Variants in HMCN1 observed in about 807,000 individuals in gnomAD.
HMCN1 encodes the protein hemicentin-1.
A neutral mutation model predicts 625.9 loss-of-function variants in HMCN1; 321 were observed. That is an observed-to-expected ratio of 0.51 (90% confidence interval 0.47 to 0.56). HMCN1 has a LOEUF of 0.56. HMCN1 is among the 20% of genes least tolerant of loss of function. The pLI, the probability that HMCN1 is intolerant of heterozygous loss-of-function variation, is 0.00. For missense variants in HMCN1, 6,588 were observed against 6,887.3 expected, an observed-to-expected ratio of 0.96 and a Z score of 1.54; for synonymous variants, 2,425 against 2,417.6, an observed-to-expected ratio of 1.00 and a Z score of -0.09.
intron 4 of HMCN1, among the ~76,000 whole-genome samples, chr1:185,902,405 C>CTATCTATA (rs903275348): frequency 4.1e-5 from 6 of 145,456 alleles, no homozygotes; most frequent in African/African-American, 1.6e-4. Context: ...ATCTATCTAT[C>CTATCTATA]TCTATCTATC....
At chr1:186,098,996 G>A (rs530760968) in intron 68 of HMCN1, among the ~76,000 whole-genome samples, 1 of 152,146 alleles carries the variant, frequency 6.6e-6, no homozygotes, top group South Asian at 2.1e-4. Flanking sequence ...TAGTGAATAG[G>A]ACAGTGGTTA....
At position 185,888,285 on chromosome 1, in the gene HMCN1, T is replaced by C. The variant is rs1571505948; in HGVS notation, c.622-21052T>C. Among the ~76,000 whole-genome samples the C allele has an allele frequency of 2.3e-5, 3 of 131,642 alleles. No individual in the cohort carries two copies. In the East Asian group the frequency reaches 6.1e-4, roughly 27 times the overall value. The allele number at this position is 131,642 out of a possible 152,430, so 86.4% of individuals were successfully genotyped here. The stretch of plus-strand genomic sequence containing the variant: ...CCTGTTCACTCTGATGGTAGTTTCT[T>C]TTGCTGTGCAGAAGCTCTTTAGTTT... On this transcript the variant is annotated intron_variant, in intron 4 of 106. Transcript: ENST00000271588.
At chr1:186,065,462 A>G (rs929692238) in intron 49 of HMCN1, 33 bp downstream of exon 49, 2 of 1,492,240 alleles carry the variant, frequency 1.3e-6, no homozygotes, top group Non-Finnish European at 1.8e-6. Flanking sequence ...ATCTTAAAGA[A>G]TCTGACATGA....
intron 1 of HMCN1, among the ~76,000 whole-genome samples, chr1:185,756,180 A>T (rs1423220532): frequency 6.6e-6 from 1 of 152,176 alleles, no homozygotes; most frequent in Non-Finnish European, 1.5e-5. Context: ...TTTTTACAGG[A>T]TAACCATGGT....
rs1331268272 is a variant in HMCN1, at chr1:186,125,794, G to GGTAA, written c.12690+3_12690+6dup. 3.1e-6 allele frequency: 5 copies of GGTAA among 1,611,668 alleles called. No individual in the cohort carries two copies. Among genetic ancestry groups the GGTAA allele is most frequent in the African/African-American group, 2.7e-5 (2 of 74,778 alleles). On this transcript the variant is annotated frameshift_variant and splice_region_variant. Coordinates refer to ENST00000271588, the MANE Select transcript of HMCN1 (RefSeq NM_031935.3). LOFTEE classifies it high-confidence loss of function. ...GAGAACTCATTTTAGAAAATGTTGT[G>GGTAA]GTAAGTTTAATGGACGTGAACAGAT...
At chr1:186,019,139 T>C (rs1055929151) in intron 34 of HMCN1, among the ~76,000 whole-genome samples, 25 of 152,012 alleles carry the variant, frequency 1.6e-4, no homozygotes, top group Non-Finnish European at 2.8e-4. Context: ...AAGTTACCAC[T>C]CCACATTCAA....
At chr1:185,793,520 C>T (rs1340037171) in intron 1 of HMCN1, among the ~76,000 whole-genome samples, 2 of 152,094 alleles carry the variant, frequency 1.3e-5, no homozygotes, top group East Asian at 1.9e-4. Context: ...GGCAAAGTCC[C>T]TTTTGCCATA....
At chr1:185,903,195 G>C (rs1162771180) in intron 4 of HMCN1, among the ~76,000 whole-genome samples, 2 of 151,694 alleles carry the variant, frequency 1.3e-5, no homozygotes, top group Non-Finnish European at 3.0e-5. Flanking sequence ...TGATTTCACT[G>C]TTCATAAATG....
intron 93 of HMCN1, among the ~76,000 whole-genome samples, chr1:186,148,558 G>A (rs1038443680): frequency 1.3e-5 from 2 of 152,018 alleles, no homozygotes; most frequent in African/African-American, 2.4e-5. Context: ...ACCCAGGCTC[G>A]AATGCAGTGG....
chr1:186,190,932 C>CACA lies in HMCN1; in HGVS notation c.*1057_*1059dup, dbSNP rs1416788833. On this transcript the variant is annotated 3_prime_UTR_variant, in exon 107 of 107. Transcript: ENST00000271588. ...ACTAAAATCAGCCTAAATAAATTTT[C>CACA]ACAACTTTTTTTCATAACCTTTTGA... 5.6e-6 allele frequency: 1 copy of CACA among 178,930 alleles called. No individual in the cohort carries two copies. Among genetic ancestry groups the CACA allele is most frequent in the Non-Finnish European group, 1.2e-5 (1 of 83,380 alleles). 11.1% of individuals were successfully genotyped at this position (178,930 alleles called of 1,614,324 possible).
chr1:185,950,645 G>A (rs1668604511), intron 11 of HMCN1, among the ~76,000 whole-genome samples: 1 of 151,814 alleles, frequency 6.6e-6, no homozygotes, highest in Non-Finnish European at 1.5e-5. Context: ...TGAAGTAATG[G>A]GGGCTGTCTG....
intron 11 of HMCN1, among the ~76,000 whole-genome samples, chr1:185,935,878 C>G (rs1457861188): frequency 1.3e-5 from 2 of 152,004 alleles, no homozygotes; most frequent in Non-Finnish European, 2.9e-5. Flanking sequence ...AACTGCCATA[C>G]CTAGAGGTAA....
intron 1 of HMCN1, among the ~76,000 whole-genome samples, chr1:185,751,154 C>CAAT (rs1654786824): frequency 6.6e-6 from 1 of 152,024 alleles, no homozygotes; most frequent in Non-Finnish European, 1.5e-5. Context: ...GATTCTTATT[C>CAAT]CCCCACCAAC....
rs1296697656 is a variant in HMCN1, at chr1:185,928,417, T to C, written c.1431-129T>C. The C allele has an allele frequency of 7.9e-6, 6 of 760,844 alleles. No individual in the cohort carries two copies. In the African/African-American group the frequency reaches 8.7e-5, roughly 11 times the overall value. The allele number at this position is 760,844 out of a possible 1,614,324, so 47.1% of individuals were successfully genotyped here. ...TGTCATTTTAAGTTAAAAAGAACTC[T>C]GCAGTTTTATCAATTTATTTTCTTT... On this transcript the variant is annotated intron_variant, in intron 9 of 106. Transcript: ENST00000271588.
At chr1:186,180,694 C>G (rs1259159781) in intron 104 of HMCN1, among the ~76,000 whole-genome samples, 1 of 152,180 alleles carries the variant, frequency 6.6e-6, no homozygotes, top group Non-Finnish European at 1.5e-5. Context: ...GAGGCAGCCA[C>G]TCTTTCACAG....
intron 85 of HMCN1, among the ~76,000 whole-genome samples, chr1:186,131,012 G>C (rs1424476019): frequency 6.6e-6 from 1 of 152,134 alleles, no homozygotes; most frequent in African/African-American, 2.4e-5. Flanking sequence ...ATAAATTATA[G>C]AGTAGATTTC....
chr1:185,745,629 T>C (rs1476580550), intron 1 of HMCN1, among the ~76,000 whole-genome samples: 1 of 152,224 alleles, frequency 6.6e-6, no homozygotes, highest in Non-Finnish European at 1.5e-5. Flanking sequence ...ATTCTGACAG[T>C]GTCAAGTTCA....
Position 186,065,245 on chromosome 1 carries a change from A to G in HMCN1, c.7521A>G (p.Pro2507=). 1.2e-6 allele frequency: 2 copies of G among 1,611,528 alleles called. No individual in the cohort carries two copies. Among genetic ancestry groups the G allele is most frequent in the Non-Finnish European group, 1.7e-6 (2 of 1,179,430 alleles). ...AGAAATGGATTTTTACAGGGAATCCAGTGCCAGAAATTACATGGCACAAAG... is the reference window on the plus strand; with the variant it reads ...AGAAATGGATTTTTACAGGGAATCCGGTGCCAGAAATTACATGGCACAAAG... The part of the protein sequence containing the change: ...VTLTCEVTGN[P]VPEITWHKDG... Residue 2507 remains proline, a synonymous_variant, in exon 49 of 107, where the codon CCA becomes CCG. Coordinates refer to ENST00000271588, the MANE Select transcript of HMCN1 (RefSeq NM_031935.3).
intron 46 of HMCN1, among the ~76,000 whole-genome samples, chr1:186,060,776 A>C (rs1247362145): frequency 6.6e-6 from 1 of 152,016 alleles, no homozygotes; most frequent in Non-Finnish European, 1.5e-5. Flanking sequence ...TTGCCATTGA[A>C]AGTAATGGTA....
Sources: allele counts gnomAD v4.1 joint callset (sites outside exome capture counted in the v4.1 genomes callset), GRCh38; gene constraint gnomAD v4.1.1; transcripts MANE v1.5; gene names NCBI Gene and HGNC (gene_info 2026-07-23, HGNC 2026-07-21).